RGS6: variants seen among roughly 807,000 people sequenced by gnomAD.
RGS6 encodes the protein regulator of G protein signaling 6.
RGS6 carries 30 observed loss-of-function variants against 78.5 expected under a neutral mutation model. The observed-to-expected ratio is 0.38, with a 90% CI of 0.29 to 0.52. RGS6 has a LOEUF of 0.52. Among genes scored for constraint, RGS6 ranks in the 20% least tolerant of loss-of-function variants. The pLI is 0.85. For missense variants in RGS6, 495 were observed against 609.7 expected, an observed-to-expected ratio of 0.81 and a Z score of 1.98; for synonymous variants, 206 against 206.0, an observed-to-expected ratio of 1.00 and a Z score of 0.00.
chr14:72,445,481 A>ATT (rs34316528), intron 3 of RGS6, among the ~76,000 whole-genome samples: 13 of 147,750 alleles, frequency 8.8e-5, no homozygotes, highest in African/African-American at 2.0e-4. Context: ...AAAAGATGTG[A>ATT]TTTTTTTTTT....
At chr14:72,192,691 A>C (rs2097342478) in intron 2 of RGS6, among the ~76,000 whole-genome samples, 1 of 152,272 alleles carries the variant, frequency 6.6e-6, no homozygotes, top group African/African-American at 2.4e-5. Context: ...CAATAAATAA[A>C]AGGCAATAAA....
chr14:72,185,081 G>T (rs2097221342), intron 2 of RGS6, among the ~76,000 whole-genome samples: 1 of 152,196 alleles, frequency 6.6e-6, no homozygotes, highest in South Asian at 2.1e-4. Context: ...AAAAGCCGAA[G>T]AACTTGGAGT....
intron 3 of RGS6, among the ~76,000 whole-genome samples, chr14:72,395,787 G>T (rs922131893): frequency 1.3e-5 from 2 of 151,930 alleles, no homozygotes; most frequent in African/African-American, 4.8e-5. Context: ...GTGGTGTTTG[G>T]TTTTTTTCCC....
At chr14:72,507,515 A>G (rs10129877) in intron 13 of RGS6, among the ~76,000 whole-genome samples, 2,068 of 152,284 alleles carry the variant, frequency 0.014, 41 homozygotes, top group African/African-American at 0.047. Flanking sequence ...CTGCTGAACT[A>G]TGACCTTGCC....
At chr14:72,602,672 C>A in the RGS6 span, among the ~76,000 whole-genome samples, 2 of 152,210 alleles carry the variant, frequency 1.3e-5, no homozygotes, top group African/African-American at 4.8e-5. Context: ...TATTTTCTTT[C>A]CTGACTTCCA....
At chr14:71,938,323 A>G (rs958232676) in intron 1 of RGS6, among the ~76,000 whole-genome samples, 3 of 152,264 alleles carry the variant, frequency 2.0e-5, no homozygotes, top group Non-Finnish European at 4.4e-5. Flanking sequence ...TTGATATATA[A>G]TCGCATATTG....
the RGS6 span, among the ~76,000 whole-genome samples, chr14:71,898,679 C>T: frequency 1.3e-4 from 20 of 152,216 alleles, no homozygotes; most frequent in African/African-American, 3.9e-4. Context: ...CTCCCACCCC[C>T]CCGACAGGCC....
intron 17 of RGS6, chr14:72,540,738 G>A (rs889496083): frequency 1.5e-6 from 2 of 1,292,064 alleles, no homozygotes; most frequent in East Asian, 5.1e-5. Flanking sequence ...AATCCCTGCG[G>A]TGTCCTGGGT....
intron 2 of RGS6, among the ~76,000 whole-genome samples, chr14:72,198,216 G>C (rs1490943172): frequency 1.3e-5 from 2 of 152,074 alleles, no homozygotes; most frequent in African/African-American, 4.8e-5. Context: ...AGCTGGGTGC[G>C]ATGCTGTGCA....
intron 2 of RGS6, among the ~76,000 whole-genome samples, chr14:72,098,921 T>C (rs1484982066): frequency 1.3e-5 from 2 of 152,220 alleles, no homozygotes; most frequent in Non-Finnish European, 2.9e-5. Context: ...AAACCTGGTA[T>C]ACAAAGAACT....
At chr14:72,121,538 T>C (rs76368233) in intron 2 of RGS6, among the ~76,000 whole-genome samples, 230 of 152,242 alleles carry the variant, frequency 1.5e-3, no homozygotes, top group Non-Finnish European at 2.6e-3. Flanking sequence ...TCACACACTG[T>C]GCTGTGCTCT....
intron 2 of RGS6, among the ~76,000 whole-genome samples, chr14:72,305,370 G>T (rs1018549156): frequency 1.3e-5 from 2 of 152,082 alleles, no homozygotes; most frequent in Non-Finnish European, 2.9e-5. Context: ...TGCGTTCTTT[G>T]TTGTGATTCA....
At chr14:72,101,379 AC>A (rs2095524566) in intron 2 of RGS6, among the ~76,000 whole-genome samples, 3 of 152,276 alleles carry the variant, frequency 2.0e-5, no homozygotes, top group Admixed American at 2.0e-4. Flanking sequence ...TGATGTGTTC[AC>A]CTCTGTGTTC....
At chr14:72,277,002 A>T (rs2060787473) in intron 2 of RGS6, among the ~76,000 whole-genome samples, 1 of 152,098 alleles carries the variant, frequency 6.6e-6, no homozygotes, top group African/African-American at 2.4e-5. Flanking sequence ...TTGTGCACTG[A>T]TTTCTCCTAA....
chr14:71,985,066 C>T (rs1237721735), intron 2 of RGS6, among the ~76,000 whole-genome samples: 1 of 152,144 alleles, frequency 6.6e-6, no homozygotes, highest in Non-Finnish European at 1.5e-5. Context: ...GCTTTTCTAC[C>T]ATAACCTAAG....
chr14:72,400,952 G>T (rs1475751167), intron 3 of RGS6, among the ~76,000 whole-genome samples: 1 of 152,018 alleles, frequency 6.6e-6, no homozygotes, highest in Admixed American at 6.6e-5. Flanking sequence ...TTTCTCCACT[G>T]CTTCTCTGCA....
chr14:72,483,521 C>T (rs2096424532), intron 12 of RGS6, among the ~76,000 whole-genome samples: 2 of 152,078 alleles, frequency 1.3e-5, no homozygotes, highest in Non-Finnish European at 2.9e-5. Context: ...GATAAGACAG[C>T]AAGGGACTGG....
At chr14:72,178,134 G>A (rs2097130285) in intron 2 of RGS6, among the ~76,000 whole-genome samples, 2 of 152,286 alleles carry the variant, frequency 1.3e-5, no homozygotes, top group African/African-American at 4.8e-5. Context: ...ATAGGTTGGT[G>A]GACCATTTTC....
intron 15 of RGS6, among the ~76,000 whole-genome samples, chr14:72,519,917 A>C (rs1317810143): frequency 6.6e-6 from 1 of 152,234 alleles, no homozygotes; most frequent in Non-Finnish European, 1.5e-5. Context: ...TAACACTCCA[A>C]GCATGACATC....
Sources: gnomAD v4.1 joint callset for allele counts (sites outside exome capture counted in the v4.1 genomes callset) on GRCh38, gnomAD v4.1.1 for gene constraint, MANE v1.5 for transcripts, NCBI Gene and HGNC (gene_info 2026-07-23, HGNC 2026-07-21) for gene names.